The following TMC7 variants were observed in gnomAD, a reference collection of about 807,000 sequenced individuals.
TMC7 encodes transmembrane channel like 7, also known as transmembrane channel-like protein 7.
In TMC7, 54 loss-of-function variants were observed where a neutral mutation model predicts 82.9. The ratio of observed to expected loss-of-function variants is 0.65; its 90% CI spans 0.52 to 0.82. The LOEUF (loss-of-function observed/expected upper bound fraction) is 0.82. Among genes scored for constraint, TMC7 ranks in the 40% least tolerant of loss-of-function variants. TMC7 has a pLI of 0.00. For missense variants in TMC7, 820 were observed against 901.2 expected, an observed-to-expected ratio of 0.91 and a Z score of 1.15; for synonymous variants, 350 against 337.9, an observed-to-expected ratio of 1.04 and a Z score of -0.39.
rs142357775 is a variant in TMC7, at chr16:19,040,034, T to C, written c.1180-255T>C. 6.7e-3 allele frequency among the ~76,000 whole-genome samples: 940 copies of C among 140,042 alleles called. 5 individuals are homozygous for C. Among genetic ancestry groups the C allele is most frequent in the South Asian group, 0.017 (78 of 4,542 alleles). 91.9% of individuals were successfully genotyped at this position (140,042 alleles called of 152,430 possible). A position where few individuals can be genotyped will look rare whatever the true frequency, so the allele number is the denominator to read the frequency against. Reference sequence around the variant, plus strand: ...GGGAGGCTGAGGCAGGAGAATCGCATGAACCTGGGAGACGGAGGTTGCAGT... The same window carrying C: ...GGGAGGCTGAGGCAGGAGAATCGCACGAACCTGGGAGACGGAGGTTGCAGT... On this transcript the variant is annotated intron_variant, in intron 8 of 15. Coordinates refer to ENST00000304381, the MANE Select transcript of TMC7 (RefSeq NM_024847.4).
intron 5 of TMC7, among the ~76,000 whole-genome samples, chr16:19,026,005 A>G (rs886543824): frequency 6.6e-6 from 1 of 151,740 alleles, no homozygotes; most frequent in Non-Finnish European, 1.5e-5. Context: ...CGAGCTCCTG[A>G]GCTCAAGCAA....
At chr16:19,040,183 A>C (rs1394110047) in intron 8 of TMC7, 106 bp from the exon 9 acceptor site, 5 of 895,330 alleles carry the variant, frequency 5.6e-6, no homozygotes, top group Non-Finnish European at 8.4e-6. Flanking sequence ...AATGACAAAT[A>C]CGTTTTGTTT....
intron 1 of TMC7, among the ~76,000 whole-genome samples, chr16:18,985,941 G>A (rs529005132): frequency 3.3e-5 from 5 of 152,050 alleles, no homozygotes; most frequent in African/African-American, 1.2e-4. Flanking sequence ...GCTGAGGCAG[G>A]AGGATCACTT....
At chr16:19,008,413 T>C (rs913427880) in intron 1 of TMC7, among the ~76,000 whole-genome samples, 2 of 152,200 alleles carry the variant, frequency 1.3e-5, no homozygotes, top group Non-Finnish European at 2.9e-5. Context: ...ATGTCATTCA[T>C]TCTGAGTGTC....
chr16:19,017,827 C>T (rs537697653), intron 3 of TMC7, among the ~76,000 whole-genome samples: 184 of 152,230 alleles, frequency 1.2e-3, no homozygotes, highest in African/African-American at 4.3e-3. Flanking sequence ...CCCGCCACCT[C>T]GCCTGGCTAA....
rs547017401 is a variant in TMC7 at position 19,000,660 on chromosome 16, T to A, written c.68-8512T>A. Among the ~76,000 whole-genome samples, 5 of 152,222 alleles carry A rather than the reference T, an allele frequency of 3.3e-5. No homozygotes were observed. The South Asian group carries it at 6.2e-4, about 19-fold the overall frequency. On this transcript the variant is annotated intron_variant, in intron 1 of 15. Coordinates refer to ENST00000304381, the MANE Select transcript of TMC7 (RefSeq NM_024847.4). ...GCTGGTTTGTGTAGAGTACCTGAAATAGGAAGAATGTGATATATGGTCAAC... is the reference window on the plus strand; with the variant it reads ...GCTGGTTTGTGTAGAGTACCTGAAAAAGGAAGAATGTGATATATGGTCAAC...
In TMC7 at chr16:19,063,321, G is replaced by C. The variant is rs1397268454; in HGVS notation, c.*1478G>C. On this transcript the variant is annotated 3_prime_UTR_variant, in exon 16 of 16. Coordinates refer to ENST00000304381, the MANE Select transcript of TMC7 (RefSeq NM_024847.4). ...CAATCCCAGAACTTTGGGAGTCCAA[G>C]GAGGGCAGATCACCTGAAGTCAGAA... The C allele has an allele frequency of 6.6e-6, 1 of 152,176 alleles. No individual in the cohort carries two copies. Among genetic ancestry groups the C allele is most frequent in the African/African-American group, 2.4e-5 (1 of 41,426 alleles). 9.4% of individuals were successfully genotyped at this position (152,176 alleles called of 1,614,324 possible).
intron 2 of TMC7, among the ~76,000 whole-genome samples, chr16:19,010,452 C>T (rs1959260868): frequency 6.6e-6 from 1 of 152,118 alleles, no homozygotes; most frequent in Admixed American, 6.6e-5. Flanking sequence ...CCGTGCCTGG[C>T]AGAAGTTTAT....
intron 5 of TMC7, among the ~76,000 whole-genome samples, chr16:19,029,068 C>T (rs1024846834): frequency 1.3e-5 from 2 of 151,316 alleles, no homozygotes; most frequent in Non-Finnish European, 2.9e-5. Context: ...TGCAGTGGCA[C>T]AATCTCGGCT....
At position 19,016,532 on chromosome 16, in the gene TMC7, C is replaced by T; in HGVS notation, c.394C>T (p.Leu132=). ...TAGCAGCAAGTCTTGGAAGAGGTTC[C>T]TAGAGAAGGCTCGAGAGATGACGAC... is the stretch of plus-strand genomic sequence containing the variant. ...RYSSKSWKRF[L]EKAREMTTHL... The change falls in exon 3 of 16, where the codon CTA becomes TTA. Residue 132 remains leucine, a synonymous_variant. Transcript: ENST00000304381. 1.9e-6 allele frequency: 3 copies of T among 1,614,144 alleles called. No homozygotes were observed. The highest frequency in any genetic ancestry group is 1.1e-5 in the South Asian group (1 of 91,078).
At chr16:19,047,033 G>A (rs1961303890) in intron 11 of TMC7, 30 bp from the exon 12 acceptor site, 7 of 1,574,136 alleles carry the variant, frequency 4.4e-6, no homozygotes, top group East Asian at 4.5e-5. Context: ...GCAGACACCA[G>A]TAGCCCAAAT....
chr16:19,014,002 C>T (rs548149802), intron 2 of TMC7, among the ~76,000 whole-genome samples: 3 of 151,772 alleles, frequency 2.0e-5, no homozygotes, highest in African/African-American at 7.2e-5. Context: ...TACAGGTGCC[C>T]GCCACCGCAC....
chr16:19,036,417 G>A (rs1960749575), intron 7 of TMC7, among the ~76,000 whole-genome samples: 1 of 152,202 alleles, frequency 6.6e-6, no homozygotes, highest in Non-Finnish European at 1.5e-5. Flanking sequence ...TCTGAGGCAA[G>A]AGAATCGCTT....
intron 1 of TMC7, among the ~76,000 whole-genome samples, chr16:18,992,588 G>A (rs2142122727): frequency 6.6e-6 from 1 of 152,302 alleles, no homozygotes; most frequent in Non-Finnish European, 1.5e-5. Context: ...CTGTGCAGAA[G>A]CTCTTTAGTT....
chr16:19,049,178 C>T (rs564201437), intron 12 of TMC7, among the ~76,000 whole-genome samples: 22 of 152,214 alleles, frequency 1.4e-4, no homozygotes, highest in Admixed American at 4.6e-4. Flanking sequence ...CATGCGCCAC[C>T]GTGCCAAGCT....
At chr16:19,018,185 C>T (rs1485677599) in intron 3 of TMC7, among the ~76,000 whole-genome samples, 2 of 152,070 alleles carry the variant, frequency 1.3e-5, no homozygotes, top group South Asian at 2.1e-4. Flanking sequence ...TATCCTGAGT[C>T]GAGGTTCATC....
At chr16:18,995,983 G>A (rs922725445) in intron 1 of TMC7, among the ~76,000 whole-genome samples, 1 of 152,144 alleles carries the variant, frequency 6.6e-6, no homozygotes, top group Non-Finnish European at 1.5e-5. Flanking sequence ...AAACCTAAAT[G>A]CTAACTGATT....
intron 2 of TMC7, among the ~76,000 whole-genome samples, chr16:19,012,646 A>G (rs955664088): frequency 6.6e-6 from 1 of 151,572 alleles, no homozygotes; most frequent in South Asian, 2.1e-4. Flanking sequence ...AAAATTAGCC[A>G]GGTGTGGTGG....
intron 4 of TMC7, among the ~76,000 whole-genome samples, 188 bp from the exon 5 acceptor site, chr16:19,022,925 C>A (rs1377496498): frequency 1.3e-5 from 2 of 152,086 alleles, no homozygotes; most frequent in African/African-American, 4.8e-5. Context: ...GAGGTTGAGG[C>A]AGGAGAATCG....
Sources: allele counts gnomAD v4.1 joint callset (sites outside exome capture counted in the v4.1 genomes callset), GRCh38; gene constraint gnomAD v4.1.1; transcripts MANE v1.5; gene names NCBI Gene and HGNC (gene_info 2026-07-23, HGNC 2026-07-21).